The following FCHSD2 variants were observed in gnomAD, a reference collection of about 807,000 sequenced individuals.
The protein encoded by FCHSD2 is F-BAR and double SH3 domains protein 2.
FCHSD2 carries 38 observed loss-of-function variants against 108.1 expected under a neutral mutation model. That is an observed-to-expected ratio of 0.35 (90% CI 0.27 to 0.46). FCHSD2 has a LOEUF of 0.46. Among genes scored for constraint, FCHSD2 ranks in the 20% least tolerant of loss-of-function variants. The pLI is 1.00. For synonymous variants in FCHSD2, 279 were observed against 314.7 expected (o/e 0.89, Z 1.20); for missense variants, 751 against 897.8 (o/e 0.84, Z 2.09).
chr11:72,884,972 G>A (rs1455952038), intron 12 of FCHSD2, among the ~76,000 whole-genome samples: 1 of 152,020 alleles, frequency 6.6e-6, no homozygotes, highest in African/African-American at 2.4e-5. Context: ...TATATAACCA[G>A]TGTTCTCTCT....
At chr11:72,889,996 C>A in intron 10 of FCHSD2, 51 bp from the exon 11 acceptor site, 2 of 1,134,482 alleles carry the variant, frequency 1.8e-6, no homozygotes, top group East Asian at 4.7e-5. Context: ...CTTATTGTAA[C>A]CACTACTGCT....
chr11:73,057,061 C>T (rs994588853), intron 3 of FCHSD2, among the ~76,000 whole-genome samples: 4 of 151,830 alleles, frequency 2.6e-5, no homozygotes, highest in South Asian at 4.2e-4. Flanking sequence ...CTAGCCTGGG[C>T]GACAGAGCAA....
At chr11:73,017,012 T>C (rs1437341852) in intron 3 of FCHSD2, among the ~76,000 whole-genome samples, 3 of 152,204 alleles carry the variant, frequency 2.0e-5, no homozygotes, top group African/African-American at 4.8e-5. Context: ...AGACAAGGCC[T>C]CATTCCAATG....
chr11:73,085,454 C>T (rs1156946016), intron 2 of FCHSD2, among the ~76,000 whole-genome samples: 1 of 152,142 alleles, frequency 6.6e-6, no homozygotes, highest in African/African-American at 2.4e-5. Context: ...AAGTTCCTCT[C>T]CTGACTGAAA....
At chr11:72,886,188 C>T (rs1855195069) in intron 12 of FCHSD2, among the ~76,000 whole-genome samples, 1 of 152,162 alleles carries the variant, frequency 6.6e-6, no homozygotes, top group South Asian at 2.1e-4. Flanking sequence ...AATCTTCTTA[C>T]ATACTTATAG....
At chr11:73,074,844 C>T (rs1859513114) in intron 3 of FCHSD2, among the ~76,000 whole-genome samples, 1 of 151,886 alleles carries the variant, frequency 6.6e-6, no homozygotes, top group African/African-American at 2.4e-5. Flanking sequence ...CTCAGGAGTT[C>T]GAGGCTGTAG....
chr11:72,943,641 T>A (rs1856463725), intron 8 of FCHSD2, among the ~76,000 whole-genome samples: 1 of 152,220 alleles, frequency 6.6e-6, no homozygotes. Flanking sequence ...TTTGAACATA[T>A]ATGTTTCAGT....
intron 3 of FCHSD2, among the ~76,000 whole-genome samples, chr11:73,037,724 T>A (rs1858531851): frequency 1.3e-5 from 2 of 152,240 alleles, no homozygotes; most frequent in East Asian, 3.8e-4. Context: ...GTAACTTTTA[T>A]GCATACCTAT....
intron 3 of FCHSD2, among the ~76,000 whole-genome samples, chr11:73,061,744 T>TG (rs1364116093): frequency 1.1e-4 from 16 of 152,176 alleles, no homozygotes; most frequent in Admixed American, 1.0e-3. Flanking sequence ...AAGGCTGCTG[T>TG]GGCCAGACTG....
chr11:73,129,910 T>C (rs1860953975), intron 2 of FCHSD2, among the ~76,000 whole-genome samples: 1 of 148,726 alleles, frequency 6.7e-6, no homozygotes, highest in African/African-American at 2.5e-5. Context: ...AGTCTCGCTC[T>C]GTCGCCCAGG....
chr11:73,014,832 C>A (rs572642286), intron 4 of FCHSD2, among the ~76,000 whole-genome samples: 1 of 151,878 alleles, frequency 6.6e-6, no homozygotes, highest in South Asian at 2.1e-4. Context: ...AAATTGACCT[C>A]AAAAAAGAAA....
chr11:73,038,351 A>G (rs1018515200), intron 3 of FCHSD2, among the ~76,000 whole-genome samples: 1 of 151,718 alleles, frequency 6.6e-6, no homozygotes, highest in African/African-American at 2.4e-5. Context: ...CTTTAAGAAA[A>G]AAAAAAAAAA....
chr11:73,131,703 C>CAA (rs1173232302), intron 2 of FCHSD2, among the ~76,000 whole-genome samples: 5 of 107,674 alleles, frequency 4.6e-5, no homozygotes, highest in Non-Finnish European at 3.9e-5. Context: ...GACTATGTCT[C>CAA]AAAAAAAAAA....
intron 12 of FCHSD2, among the ~76,000 whole-genome samples, chr11:72,868,847 C>T (rs1854788673): frequency 6.6e-6 from 1 of 152,012 alleles, no homozygotes; most frequent in South Asian, 2.1e-4. Flanking sequence ...TATTTTTGCA[C>T]AACTGTATTC....
intron 2 of FCHSD2, among the ~76,000 whole-genome samples, chr11:73,116,562 G>A (rs1360933300): frequency 6.6e-6 from 1 of 151,916 alleles, no homozygotes; most frequent in Non-Finnish European, 1.5e-5. Context: ...CTTTGAGATG[G>A]GGTCCCACTA....
At position 72,902,689 on chromosome 11, in the gene FCHSD2, A is replaced by G. The variant is rs969401303; in HGVS notation, c.829-51T>C. 8 of 1,079,234 alleles carry G rather than the reference A, an allele frequency of 7.4e-6. No individual in the cohort carries two copies. In the Admixed American group the frequency reaches 1.2e-4, roughly 16 times the overall value. 66.9% of individuals were successfully genotyped at this position (1,079,234 alleles called of 1,614,324 possible). A position where few individuals can be genotyped will look rare whatever the true frequency, so the allele number is the denominator to read the frequency against. ...GGTCTTTAATGAGGTTAAAATGTCC[A>G]ATTACATTATAAAGTTTAAGATTTA... On this transcript the variant is annotated intron_variant, in intron 9 of 19. Coordinates refer to ENST00000409418, the MANE Select transcript of FCHSD2 (RefSeq NM_014824.3).
At chr11:72,871,521 G>C (rs1292739733) in intron 12 of FCHSD2, among the ~76,000 whole-genome samples, 2 of 149,248 alleles carry the variant, frequency 1.3e-5, no homozygotes, top group African/African-American at 5.1e-5. Flanking sequence ...GTTAAGTAAG[G>C]TTCCACTTAC....
chr11:73,016,234 C>T (rs916720985), intron 3 of FCHSD2, among the ~76,000 whole-genome samples: 4 of 149,308 alleles, frequency 2.7e-5, no homozygotes, highest in African/African-American at 4.9e-5. Context: ...ATCCAGGAGG[C>T]GGAGGCTGCA....
chr11:72,847,856 C>A (rs1218143247), intron 14 of FCHSD2, among the ~76,000 whole-genome samples: 3 of 152,014 alleles, frequency 2.0e-5, no homozygotes, highest in African/African-American at 7.2e-5. Flanking sequence ...CCACGCCCAG[C>A]TAATTTTTGT....
Sources: allele counts gnomAD v4.1 joint callset (sites outside exome capture counted in the v4.1 genomes callset), GRCh38; gene constraint gnomAD v4.1.1; transcripts MANE v1.5; gene names NCBI Gene and HGNC (gene_info 2026-07-23, HGNC 2026-07-21).